ADAMTSL1: variants seen among roughly 807,000 people sequenced by gnomAD.
ADAMTSL1 encodes the protein ADAMTS-like protein 1.
A neutral mutation model predicts 201.8 loss-of-function variants in ADAMTSL1; 126 were observed. That is an observed-to-expected ratio of 0.62 (90% CI 0.54 to 0.72). The LOEUF (loss-of-function observed/expected upper bound fraction) is 0.72, where lower values mean the gene tolerates loss of function less well. Among genes scored for constraint, ADAMTSL1 ranks in the 30% least tolerant of loss-of-function variants. The pLI is 0.00. For synonymous variants in ADAMTSL1, 1,121 were observed against 903.4 expected (o/e 1.24, Z -4.32); for missense variants, 2,679 against 2,277.8 (o/e 1.18, Z -3.59).
At chr9:18,574,350 A>G in intron 4 of ADAMTSL1, 84 bp downstream of exon 4, 1 of 1,180,442 alleles carries the variant, frequency 8.5e-7, no homozygotes, top group Non-Finnish European at 1.3e-6. Context: ...TCACTCTCTG[A>G]ATCACTCATC....
At chr9:18,323,021 C>A (rs1180342085) in intron 2 of ADAMTSL1, among the ~76,000 whole-genome samples, 1 of 152,110 alleles carries the variant, frequency 6.6e-6, no homozygotes, top group Non-Finnish European at 1.5e-5. Flanking sequence ...GGAGAGAATA[C>A]TTCCCTATTT....
At position 18,777,860 on chromosome 9, in the gene ADAMTSL1, A is replaced by C; in HGVS notation, c.3631A>C (p.Thr1211Pro). 1 of 1,579,302 alleles carries C rather than the reference A, an allele frequency of 6.3e-7. No individual in the cohort carries two copies. Among genetic ancestry groups the C allele is most frequent in the South Asian group, 1.1e-5 (1 of 87,036 alleles). ...HCEAIGHPRP[T>P]ISWARNGEEV... ...TGAGGCCATCGGCCACCCAAGGCCT[A>C]CCATCAGCTGGGCCAGGAATGGAGA... Residue 1211 changes from threonine to proline, a missense_variant, in exon 19 of 29, where the codon ACC (threonine) becomes CCC (proline). Coordinates refer to ENST00000380548, the MANE Select transcript of ADAMTSL1 (RefSeq NM_001040272.6).
At chr9:18,583,878 G>GAATGGCTGTATTTACCA (rs368750432) in intron 4 of ADAMTSL1, among the ~76,000 whole-genome samples, 35 of 152,268 alleles carry the variant, frequency 2.3e-4, no homozygotes, top group African/African-American at 7.9e-4. Context: ...CTCCCATTTG[G>GAATGGCTGTATTTACCA]AATGGCTGTA....
chr9:17,974,716 G>A (rs187082134), intron 1 of ADAMTSL1, among the ~76,000 whole-genome samples: 1 of 151,980 alleles, frequency 6.6e-6, no homozygotes, highest in Non-Finnish European at 1.5e-5. Flanking sequence ...TTAAGGCCGA[G>A]TAATGTTTCA....
rs767366182 is a variant in ADAMTSL1, at chr9:18,889,440, A to G, written c.4463-128A>G. On this transcript the variant is annotated intron_variant, in intron 24 of 28. Coordinates refer to ENST00000380548, the MANE Select transcript of ADAMTSL1 (RefSeq NM_001040272.6). ...CCCTGCGAGGAGCAGGGCCTCATTT[A>G]TAATAGCTCCTCTCCTTCAGGCCAC... 9.4e-5 allele frequency: 96 copies of G among 1,021,152 alleles called. 1 individual carries two copies. Among genetic ancestry groups the G allele is most frequent in the Middle Eastern group, 4.9e-4 (2 of 4,062 alleles). The allele number at this position is 1,021,152 out of a possible 1,614,324, so 63.3% of individuals were successfully genotyped here. A position where few individuals can be genotyped will look rare whatever the true frequency, so the allele number is the denominator to read the frequency against.
At chr9:18,767,930 A>G (rs1371468844) in intron 16 of ADAMTSL1, among the ~76,000 whole-genome samples, 1 of 152,240 alleles carries the variant, frequency 6.6e-6, no homozygotes. Flanking sequence ...AAAAGCCCTT[A>G]GAAGGAGCTG....
intron 2 of ADAMTSL1, among the ~76,000 whole-genome samples, chr9:18,315,339 G>A (rs1176620798): frequency 2.6e-5 from 4 of 152,090 alleles, no homozygotes; most frequent in East Asian, 1.9e-4. Context: ...CGCCAGGGTC[G>A]CAGGCGGAGC....
intron 1 of ADAMTSL1, among the ~76,000 whole-genome samples, chr9:18,485,607 T>C (rs1821951093): frequency 6.6e-6 from 1 of 152,114 alleles, no homozygotes; most frequent in Non-Finnish European, 1.5e-5. Context: ...ACTGTCCTAG[T>C]AGAGAATAAC....
intron 1 of ADAMTSL1, 49 bp from the exon 2 acceptor site, chr9:18,504,780 C>T: frequency 6.2e-7 from 1 of 1,613,962 alleles, no homozygotes; most frequent in Non-Finnish European, 8.5e-7. Context: ...ACACATGTTT[C>T]AGGGTTCCAT....
intron 2 of ADAMTSL1, among the ~76,000 whole-genome samples, chr9:18,411,696 T>G (rs1416022740): frequency 1.3e-5 from 2 of 152,192 alleles, no homozygotes; most frequent in Non-Finnish European, 2.9e-5. Flanking sequence ...CATCTATCCT[T>G]CCATGACCCC....
intron 1 of ADAMTSL1, among the ~76,000 whole-genome samples, chr9:18,132,808 A>G (rs983570639): frequency 2.6e-5 from 4 of 151,978 alleles, no homozygotes; most frequent in African/African-American, 9.7e-5. Flanking sequence ...TTTGTTGTTT[A>G]TTGTCTACAA....
chr9:18,077,140 A>C (rs1461844409), intron 1 of ADAMTSL1, among the ~76,000 whole-genome samples: 1 of 152,336 alleles, frequency 6.6e-6, no homozygotes, highest in East Asian at 1.9e-4. Flanking sequence ...GGAATTTCTC[A>C]TGCCTGTGAA....
At chr9:18,740,468 TTTCTTTTA>T (rs1377176517) in intron 15 of ADAMTSL1, among the ~76,000 whole-genome samples, 26 of 136,652 alleles carry the variant, frequency 1.9e-4, no homozygotes, top group African/African-American at 6.5e-4. Context: ...TTTTTTTTTT[TTTCTTTTA>T]TCTTTTTTTT....
intron 1 of ADAMTSL1, among the ~76,000 whole-genome samples, chr9:18,053,720 A>C (rs1209019152): frequency 6.6e-6 from 1 of 152,200 alleles, no homozygotes; most frequent in Non-Finnish European, 1.5e-5. Flanking sequence ...ATAAATATTT[A>C]CTGACCACTC....
chr9:18,102,591 C>G (rs551256341), intron 1 of ADAMTSL1, among the ~76,000 whole-genome samples: 1 of 152,188 alleles, frequency 6.6e-6, no homozygotes, highest in African/African-American at 2.4e-5. Flanking sequence ...TTTTGACCAG[C>G]AAGATGTGGG....
At chr9:18,731,690 C>G (rs918156668) in intron 15 of ADAMTSL1, among the ~76,000 whole-genome samples, 4 of 152,240 alleles carry the variant, frequency 2.6e-5, no homozygotes, top group African/African-American at 9.6e-5. Flanking sequence ...ATAGCAGCAT[C>G]TGCTTTTGGG....
At chr9:18,681,701 G>GGGC in intron 11 of ADAMTSL1, 111 bp from the exon 12 acceptor site, 3 of 470,096 alleles carry the variant, frequency 6.4e-6, no homozygotes, top group Non-Finnish European at 9.3e-6. Context: ...CTCGTGTGGG[G>GGGC]GGGGGGGGCG....
chr9:18,584,370 C>A (rs1823332149), intron 4 of ADAMTSL1, among the ~76,000 whole-genome samples: 1 of 151,878 alleles, frequency 6.6e-6, no homozygotes, highest in Non-Finnish European at 1.5e-5. Context: ...TTGTGAGGCC[C>A]CCCCCAGCCA....
chr9:18,845,350 C>T (rs577908876), intron 23 of ADAMTSL1, among the ~76,000 whole-genome samples: 1 of 152,374 alleles, frequency 6.6e-6, no homozygotes, highest in South Asian at 2.1e-4. Context: ...TGTGGGCAGT[C>T]ATTCCAACCT....
Sources: gnomAD v4.1 joint callset for allele counts (sites outside exome capture counted in the v4.1 genomes callset) on GRCh38, gnomAD v4.1.1 for gene constraint, MANE v1.5 for transcripts, NCBI Gene and HGNC (gene_info 2026-07-23, HGNC 2026-07-21) for gene names.